The following LIMK2 variants were observed in gnomAD, a reference collection of about 807,000 sequenced individuals.
LIMK2 encodes LIM domain kinase 2.
A neutral mutation model predicts 75.7 loss-of-function variants in LIMK2; 35 were observed. The ratio of observed to expected loss-of-function variants is 0.46; its 90% CI spans 0.35 to 0.61. The LOEUF (loss-of-function observed/expected upper bound fraction) is 0.61. LIMK2 is among the 20% of genes least tolerant of loss of function. LIMK2 has a pLI of 0.00. For missense variants in LIMK2, 623 were observed against 831.0 expected (o/e 0.75, Z 3.08); for synonymous variants, 301 against 319.2 (o/e 0.94, Z 0.61).
At chr22:31,221,168 G>A (rs1053838559) in intron 1 of LIMK2, among the ~76,000 whole-genome samples, 4 of 152,150 alleles carry the variant, frequency 2.6e-5, no homozygotes, top group African/African-American at 7.2e-5. Flanking sequence ...AGGACCATTT[G>A]CTCTTTCAGT....
In LIMK2 at chr22:31,262,241, TAG is replaced by T; in HGVS notation, c.657+5_657+6del. On this transcript the variant is annotated splice_donor_region_variant and intron_variant, in intron 6 of 15. Transcript: ENST00000331728. The surrounding 1 kb of genome is among the most constrained non-coding windows in gnomAD (Gnocchi z 5.0). ...GTCCGCACACTTCGAGTGGAGGAGG[TAG>T]AGTGTGTGTCTAATCTGTCTTGTGA... 6.2e-7 allele frequency: 1 copy of T among 1,601,480 alleles called. No individual in the cohort carries two copies. Among genetic ancestry groups the T allele is most frequent in the Non-Finnish European group, 8.6e-7 (1 of 1,168,546 alleles).
At chr22:31,231,863 C>T (rs555922807) in intron 2 of LIMK2, among the ~76,000 whole-genome samples, 2 of 152,220 alleles carry the variant, frequency 1.3e-5, no homozygotes, top group African/African-American at 4.8e-5. Context: ...GTTGTCCAGG[C>T]TACAGTGCAC....
intron 2 of LIMK2, among the ~76,000 whole-genome samples, chr22:31,235,724 A>C (rs1265214648): frequency 6.6e-6 from 1 of 152,226 alleles, no homozygotes; most frequent in Non-Finnish European, 1.5e-5. Flanking sequence ...TATAGAGTGG[A>C]AAAAATGGAA....
At chr22:31,223,927 A>G (rs1026892239) in intron 1 of LIMK2, among the ~76,000 whole-genome samples, 1 of 152,186 alleles carries the variant, frequency 6.6e-6, no homozygotes, top group Non-Finnish European at 1.5e-5. Context: ...GAGGGGGACA[A>G]CTGTGTACAT....
Position 31,271,322 on chromosome 22 carries a change from T to A in LIMK2, c.1383+121T>A, listed in dbSNP as rs572027779. 5.3e-5 allele frequency: 43 copies of A among 804,696 alleles called. No homozygotes were observed. The South Asian group carries it at 6.0e-4, about 11-fold the overall frequency. 49.8% of individuals were successfully genotyped at this position (804,696 alleles called of 1,614,324 possible). ...CAGAGGTGTTGCCTAGGAGCTCCTA[T>A]CTTTCCCTTCCTGCTTCTTCCAATG... On this transcript the variant is annotated intron_variant, in intron 12 of 15. Transcript: ENST00000331728.
chr22:31,265,202 A>T (rs2048881433), intron 7 of LIMK2, among the ~76,000 whole-genome samples: 1 of 145,302 alleles, frequency 6.9e-6, no homozygotes, highest in African/African-American at 2.6e-5. Flanking sequence ...AAAAAAAAAA[A>T]AAAAAAAAAA....
intron 2 of LIMK2, among the ~76,000 whole-genome samples, chr22:31,226,283 A>C (rs917072228): frequency 7.3e-5 from 11 of 151,522 alleles, no homozygotes; most frequent in African/African-American, 2.7e-4. Context: ...GCTCACTGCA[A>C]TCTCTGCCTG....
Position 31,273,183 on chromosome 22 carries a change from G to C in LIMK2, c.1559-269G>C, listed in dbSNP as rs368899264. ...GAGCATACAGCTGCCTAATGGCAGA[G>C]GCTAGATGAACCCTAGTCTGGTTCT... is the stretch of plus-strand genomic sequence containing the variant. On this transcript the variant is annotated intron_variant, in intron 13 of 15. Coordinates refer to ENST00000331728, the MANE Select transcript of LIMK2 (RefSeq NM_005569.4). 9 of 297,974 alleles carry C rather than the reference G, an allele frequency of 3.0e-5. No homozygotes were observed. In the East Asian group the frequency reaches 5.2e-4, roughly 17 times the overall value. The allele number at this position is 297,974 out of a possible 1,614,324, so 18.5% of individuals were successfully genotyped here. A position where few individuals can be genotyped will look rare whatever the true frequency, so the allele number is the denominator to read the frequency against.
intron 2 of LIMK2, among the ~76,000 whole-genome samples, chr22:31,236,787 T>G (rs777096795): frequency 6.9e-6 from 1 of 145,308 alleles, no homozygotes; most frequent in South Asian, 2.2e-4. Flanking sequence ...GGTGGCATGC[T>G]CCTGTAGTCC....
chr22:31,257,986 A>G (rs780993474), intron 2 of LIMK2, among the ~76,000 whole-genome samples: 7 of 152,090 alleles, frequency 4.6e-5, no homozygotes, highest in Non-Finnish European at 8.8e-5. Flanking sequence ...TCTTCTTTAT[A>G]TATTCATTTT....
chr22:31,245,422 C>T (rs375592674), intron 2 of LIMK2, among the ~76,000 whole-genome samples: 2 of 152,200 alleles, frequency 1.3e-5, no homozygotes, highest in Non-Finnish European at 2.9e-5. Context: ...CTGTCTCAGC[C>T]TCTCGAGTAG....
intron 7 of LIMK2, among the ~76,000 whole-genome samples, chr22:31,265,305 G>A (rs5753532): frequency 0.045 from 6,780 of 152,036 alleles, 566 homozygotes; most frequent in East Asian, 0.37. Flanking sequence ...GGCGGAGGTC[G>A]CAGTGAGCCG....
chr22:31,219,781 C>T (rs760606487), intron 1 of LIMK2, among the ~76,000 whole-genome samples: 1 of 152,100 alleles, frequency 6.6e-6, no homozygotes, highest in Non-Finnish European at 1.5e-5. Context: ...ACCGTGTTAG[C>T]CAGGATGGCC....
rs547645815 is a variant in LIMK2, at chr22:31,239,350, C to G, written c.116+13531C>G. On this transcript the variant is annotated intron_variant, in intron 2 of 15. Transcript: ENST00000331728. ...GCAGACTTGGTCTTTAGTGCTCTGC[C>G]CCTACTCTCTTCCACCATTCTGGCC... Among the ~76,000 whole-genome samples the G allele has an allele frequency of 2.0e-5, 3 of 152,374 alleles. No individual in the cohort carries two copies. In the East Asian group the frequency reaches 5.8e-4, roughly 29 times the overall value.
At chr22:31,273,403 G>A in intron 13 of LIMK2, 49 bp from the exon 14 acceptor site, 1 of 1,525,766 alleles carries the variant, frequency 6.6e-7, no homozygotes, top group Non-Finnish European at 9.1e-7. Context: ...CCAGTGCAGA[G>A]CAGGTAAGGG....
chr22:31,239,060 G>A (rs2048603448), intron 2 of LIMK2, among the ~76,000 whole-genome samples: 1 of 152,194 alleles, frequency 6.6e-6, no homozygotes, highest in African/African-American at 2.4e-5. Context: ...AATATCAGCT[G>A]TTAAAATGAC....
In LIMK2 at chr22:31,262,482, C is replaced by A; in HGVS notation, c.658-113C>A. 9.3e-7 allele frequency: 1 copy of A among 1,078,868 alleles called. No homozygotes were observed. Among genetic ancestry groups the A allele is most frequent in the Non-Finnish European group, 1.4e-6 (1 of 731,690 alleles). 66.8% of individuals were successfully genotyped at this position (1,078,868 alleles called of 1,614,324 possible). On this transcript the variant is annotated intron_variant, in intron 6 of 15. Transcript: ENST00000331728. The surrounding 1 kb of genome is among the most constrained non-coding windows in gnomAD (Gnocchi z 5.0). ...CTGTGAGGCCACTGGCAGCTAAAGGCCACCATTAGACAAGTTGAGCACTGG... is the reference window on the plus strand; with the variant it reads ...CTGTGAGGCCACTGGCAGCTAAAGGACACCATTAGACAAGTTGAGCACTGG...
At chr22:31,231,133 C>T (rs778476188) in intron 2 of LIMK2, among the ~76,000 whole-genome samples, 3 of 152,200 alleles carry the variant, frequency 2.0e-5, no homozygotes, top group Non-Finnish European at 4.4e-5. Flanking sequence ...TTCTTGAATG[C>T]AAGCATATTT....
chr22:31,213,448 C>T (rs889089378), intron 1 of LIMK2, among the ~76,000 whole-genome samples: 2 of 152,220 alleles, frequency 1.3e-5, no homozygotes, highest in Non-Finnish European at 1.5e-5. Flanking sequence ...TGGCTATCTG[C>T]CCCCTGCTTC....
Sources: allele counts gnomAD v4.1 joint callset (sites outside exome capture counted in the v4.1 genomes callset), GRCh38; gene constraint gnomAD v4.1.1; non-coding constraint Gnocchi (gnomAD v3.1); transcripts MANE v1.5; gene names NCBI Gene and HGNC (gene_info 2026-07-23, HGNC 2026-07-21).